Variants in AMACR observed in about 807,000 individuals in gnomAD.
The protein encoded by AMACR is 2-methylacyl-CoA racemase.
AMACR carries 18 observed loss-of-function variants against 22.2 expected under a neutral mutation model. The ratio of observed to expected loss-of-function variants is 0.81; its 90% CI spans 0.56 to 1.20. The LOEUF is 1.20. Among genes scored for constraint, AMACR ranks in the 50% most tolerant of loss-of-function variants. The pLI, the probability that AMACR is intolerant of heterozygous loss-of-function variation, is 0.00. For synonymous variants in AMACR, 213 were observed against 191.3 expected (o/e 1.11, Z -0.94); for missense variants, 499 against 490.6 (o/e 1.02, Z -0.16).
rs750073270 is a variant in AMACR at position 33,989,194 on chromosome 5, T to C, written c.1048A>G (p.Thr350Ala). 1.2e-6 allele frequency: 2 copies of C among 1,614,092 alleles called. No homozygotes were observed. Among genetic ancestry groups the C allele is most frequent in the East Asian group, 2.2e-5 (1 of 44,904 alleles). ...CCAAATTCTTCAAGTATCTCCTCAGTGTGTTCTCCTATGAAAGGATCCCTT... is the reference window on the plus strand; with the variant it reads ...CCAAATTCTTCAAGTATCTCCTCAGCGTGTTCTCCTATGAAAGGATCCCTT... ...FKRDPFIGEH[T>A]EEILEEFGFS... The change falls in exon 5 of 5, where the codon ACT (threonine) becomes GCT (alanine). Residue 350 changes from threonine (T) to alanine (A), a missense_variant. Transcript: ENST00000335606.
chr5:33,996,943 G>A (rs1753655451), intron 4 of AMACR: 3 of 525,254 alleles, frequency 5.7e-6, no homozygotes, highest in Non-Finnish European at 1.0e-5. Flanking sequence ...CCAGGACTGA[G>A]GGATCCTGAG....
rs1340684440 is a variant in AMACR, at chr5:34,004,556, A to T, written c.552+18T>A. The T allele has an allele frequency of 2.5e-6, 4 of 1,613,976 alleles. No homozygotes were observed. Among genetic ancestry groups the T allele is most frequent in the African/African-American group, 1.3e-5 (1 of 75,030 alleles). ...ACTTAGGGACAAGTGGCAGGCATCT[A>T]CCCCAATTAATACTTACCATATTTG... is the stretch of plus-strand genomic sequence containing the variant. On this transcript the variant is annotated intron_variant, in intron 3 of 4. Transcript: ENST00000335606.
chr5:34,001,660 C>T (rs1200144074), intron 3 of AMACR, among the ~76,000 whole-genome samples: 6 of 152,192 alleles, frequency 3.9e-5, no homozygotes, highest in Admixed American at 2.6e-4. Flanking sequence ...TACAGCAAAA[C>T]GCACTCCATA....
chr5:33,988,602 G>A lies in AMACR; in HGVS notation c.*491C>T, dbSNP rs1753372299. The stretch of plus-strand genomic sequence containing the variant: ...ACAAAGTGTGATAACTGTTGCTAAA[G>A]TTTGGAATGTGCTTAGAGGGAGATC... On this transcript the variant is annotated 3_prime_UTR_variant, in exon 5 of 5. Transcript: ENST00000335606. 1 of 1,314,176 alleles carries A rather than the reference G, an allele frequency of 7.6e-7. No homozygotes were observed. Among genetic ancestry groups the A allele is most frequent in the African/African-American group, 1.5e-5 (1 of 67,108 alleles). 81.4% of individuals were successfully genotyped at this position (1,314,176 alleles called of 1,614,324 possible).
chr5:33,997,109 C>G (rs374478582), intron 4 of AMACR: 1 of 755,524 alleles, frequency 1.3e-6, no homozygotes. Flanking sequence ...GTGAGAGAGC[C>G]AAGTTCAACG....
chr5:34,005,895 G>T lies in AMACR; in HGVS notation c.252C>A (p.Val84=). The T allele has an allele frequency of 6.2e-7, 1 of 1,614,162 alleles. No homozygotes were observed. The highest frequency in any genetic ancestry group is 8.5e-7 in the Non-Finnish European group (1 of 1,180,044). The change falls in exon 2 of 5, where the codon GTC becomes GTA. Residue 84 remains valine (V), a synonymous_variant. Coordinates refer to ENST00000335606, the MANE Select transcript of AMACR (RefSeq NM_014324.6). The part of the protein sequence containing the change: ...DVLLEPFRRG[V]MEKLQLGPEI... ...CTGGGCCCAGCTGGAGTTTCTCCAT[G>T]ACACCTTAAGAGAAAAGTAACGATC...
intron 4 of AMACR, among the ~76,000 whole-genome samples, chr5:33,993,389 T>G (rs1288140387): frequency 6.6e-6 from 1 of 152,232 alleles, no homozygotes; most frequent in East Asian, 1.9e-4. Context: ...TGAACACAGA[T>G]ATACAAATAT....
chr5:33,991,583 C>T (rs192906656), intron 4 of AMACR, among the ~76,000 whole-genome samples: 1 of 152,168 alleles, frequency 6.6e-6, no homozygotes, highest in Non-Finnish European at 1.5e-5. Context: ...CACACACACA[C>T]ACACGTTACA....
Position 33,988,174 on chromosome 5 carries a change from G to T in AMACR, c.*919C>A. The stretch of plus-strand genomic sequence containing the variant: ...CATGCCTTTAGGAAGTTGAGTCCAG[G>T]GAAGCTCCAGGAGCAGGCTGGTTTT... On this transcript the variant is annotated 3_prime_UTR_variant, in exon 5 of 5. Coordinates refer to ENST00000335606, the MANE Select transcript of AMACR (RefSeq NM_014324.6). 1.3e-6 allele frequency: 1 copy of T among 747,706 alleles called. No individual in the cohort carries two copies. The highest frequency in any genetic ancestry group is 2.1e-6 in the Non-Finnish European group (1 of 471,352). 46.3% of individuals were successfully genotyped at this position (747,706 alleles called of 1,614,324 possible). A position where few individuals can be genotyped will look rare whatever the true frequency, so the allele number is the denominator to read the frequency against.
At position 33,988,645 on chromosome 5, in the gene AMACR, A is replaced by G; in HGVS notation, c.*448T>C. The G allele has an allele frequency of 1.6e-6, 2 of 1,253,344 alleles. No individual in the cohort carries two copies. Among genetic ancestry groups the G allele is most frequent in the East Asian group, 3.7e-5 (1 of 27,236 alleles). The allele number at this position is 1,253,344 out of a possible 1,614,324, so 77.6% of individuals were successfully genotyped here. ...GGGAGATCATGAACACCAAGACAAA[A>G]GGCCTGGATGCAACCAATCACTCTG... On this transcript the variant is annotated 3_prime_UTR_variant, in exon 5 of 5. Transcript: ENST00000335606.
In AMACR at chr5:33,989,217, C is replaced by G. The variant is rs749703699; in HGVS notation, c.1025G>C (p.Arg342Thr). The G allele has an allele frequency of 2.5e-6, 4 of 1,614,146 alleles. No individual in the cohort carries two copies. The highest frequency in any genetic ancestry group is 3.4e-6 in the Non-Finnish European group (4 of 1,180,034). ...LNTPAIPSFK[R>T]DPFIGEHTEE... is the part of the protein sequence containing the mutation. ...AGTGTGTTCTCCTATGAAAGGATCC[C>G]TTTTGAAAGAAGGGATGGCTGGGGT... is the stretch of plus-strand genomic sequence containing the variant. The change falls in exon 5 of 5, where the codon AGG (arginine) becomes ACG (threonine). Residue 342 changes from arginine to threonine, a missense_variant. By Grantham distance (71) the Arg-to-Thr change is moderately conservative. Coordinates refer to ENST00000335606, the MANE Select transcript of AMACR (RefSeq NM_014324.6).
intron 2 of AMACR, among the ~76,000 whole-genome samples, chr5:34,005,433 A>G (rs1386337041): frequency 3.9e-5 from 6 of 152,152 alleles, no homozygotes; most frequent in African/African-American, 1.4e-4. Flanking sequence ...AACATTTTCA[A>G]ACCACAGAGC....
rs767198888 is a variant in AMACR at position 33,989,442 on chromosome 5, A to G, written c.800T>C (p.Met267Thr). ...AAATACATCTGCAAACTTCTTCTTC[A>G]TTTCTGGCCAATCATCCATGCTCAT... ...NQMSMDDWPE[M>T]KKKFADVFAE... is the part of the protein sequence containing the mutation. Residue 267 changes from methionine (M) to threonine (T), a missense_variant, in exon 5 of 5, where the codon ATG (methionine) becomes ACG (threonine). By Grantham distance (81) the Met-to-Thr change is moderately conservative. Transcript: ENST00000335606. The G allele has an allele frequency of 3.1e-6, 5 of 1,614,140 alleles. No homozygotes were observed. The highest frequency in any genetic ancestry group is 4.2e-6 in the Non-Finnish European group (5 of 1,179,994).
rs773780945 is a variant in AMACR at position 34,004,615 on chromosome 5, G to A, written c.511C>T (p.Arg171Cys). 80 of 1,613,916 alleles carry A rather than the reference G, an allele frequency of 5.0e-5. No homozygotes were observed. The highest frequency in any genetic ancestry group is 6.2e-5 in the Non-Finnish European group (73 of 1,180,032). The change falls in exon 3 of 5, where the codon CGC (arginine) becomes TGC (cysteine). Residue 171 changes from arginine (R) to cysteine (C), a missense_variant. Arg to Cys is a radical substitution (Grantham distance 180). Coordinates refer to ENST00000335606, the MANE Select transcript of AMACR (RefSeq NM_014324.6). ...ACCTGACCCTTGCCAGTGCGTGTGC[G>A]GTCAAAAAGAGCCATTATAATGCCC... ...ALGIIMALFD[R>C]TRTGKGQVID...
At position 33,987,627 on chromosome 5, in the gene AMACR, C is replaced by A. The variant is rs1401594236; in HGVS notation, c.*1466G>T. ...TGTGAGACTGGGTTTTCCAGGCCAT[C>A]TGATAAAAAATCAAGTACTATATGG... On this transcript the variant is annotated 3_prime_UTR_variant, in exon 5 of 5. Transcript: ENST00000335606. 6.6e-6 allele frequency: 1 copy of A among 152,124 alleles called. No homozygotes were observed. The highest frequency in any genetic ancestry group is 1.5e-5 in the Non-Finnish European group (1 of 68,036). 9.4% of individuals were successfully genotyped at this position (152,124 alleles called of 1,614,324 possible).
chr5:34,006,863 CAA>C (rs1357724005), intron 1 of AMACR, among the ~76,000 whole-genome samples: 9 of 152,200 alleles, frequency 5.9e-5, no homozygotes, highest in Non-Finnish European at 8.8e-5. Flanking sequence ...TCTACTTGAA[CAA>C]AGTTATTCTG....
Position 34,005,752 on chromosome 5 carries a change from A to T in AMACR, c.391+4T>A, listed in dbSNP as rs1323536866. 1.4e-5 allele frequency: 22 copies of T among 1,613,920 alleles called. No homozygotes were observed. Among genetic ancestry groups the T allele is most frequent in the Non-Finnish European group, 1.8e-5 (21 of 1,180,038 alleles). On this transcript the variant is annotated splice_donor_region_variant and intron_variant, in intron 2 of 4. Transcript: ENST00000335606. Reference sequence around the variant, plus strand: ...AGTGTAGACTAAATTTTTTTTCAACATACCTGACAAAGCCAAATAGTTGAT... The same window carrying T: ...AGTGTAGACTAAATTTTTTTTCAACTTACCTGACAAAGCCAAATAGTTGAT...
intron 4 of AMACR, among the ~76,000 whole-genome samples, chr5:33,994,535 T>C (rs1363146885): frequency 3.3e-5 from 5 of 152,026 alleles, no homozygotes; most frequent in Non-Finnish European, 7.4e-5. Context: ...AGAGAAGAAA[T>C]GTATATGTGA....
intron 3 of AMACR, among the ~76,000 whole-genome samples, chr5:33,999,216 A>C (rs780721328): frequency 6.6e-6 from 1 of 152,244 alleles, no homozygotes; most frequent in Non-Finnish European, 1.5e-5. Context: ...AGAGCTTTTA[A>C]AAATCCATCT....
Sources: allele counts gnomAD v4.1 joint callset (sites outside exome capture counted in the v4.1 genomes callset), GRCh38; gene constraint gnomAD v4.1.1; transcripts MANE v1.5; gene names NCBI Gene and HGNC (gene_info 2026-07-23, HGNC 2026-07-21).